KALRN: variants seen among roughly 807,000 people sequenced by gnomAD.
The protein encoded by KALRN is kalirin.
In KALRN, 70 loss-of-function variants were observed where a neutral mutation model predicts 353.7. The observed-to-expected ratio is 0.20, with a 90% CI of 0.16 to 0.24. The LOEUF (loss-of-function observed/expected upper bound fraction) is 0.24, where lower values mean the gene tolerates loss of function less well. Ranked by LOEUF, KALRN falls within the 10% of genes least tolerant of loss-of-function variation. The pLI, the probability that KALRN is intolerant of heterozygous loss-of-function variation, is 1.00. For missense variants in KALRN, 2,791 were observed against 3,756.7 expected, an observed-to-expected ratio of 0.74 and a Z score of 6.72; for synonymous variants, 1,391 against 1,434.8, an observed-to-expected ratio of 0.97 and a Z score of 0.69.
At chr3:124,128,353 T>C (rs2064915572) in intron 1 of KALRN, among the ~76,000 whole-genome samples, 1 of 152,226 alleles carries the variant, frequency 6.6e-6, no homozygotes, top group Non-Finnish European at 1.5e-5. Context: ...CTCTCTCCAC[T>C]TGCTACTTTT....
At chr3:124,384,319 A>G (rs1377531590) in intron 10 of KALRN, among the ~76,000 whole-genome samples, 1 of 152,112 alleles carries the variant, frequency 6.6e-6, no homozygotes, top group African/African-American at 2.4e-5. Context: ...GCCTTCTGTC[A>G]GCTCCCTAGA....
chr3:124,597,767 T>C (rs1391415487), intron 34 of KALRN, among the ~76,000 whole-genome samples: 1 of 149,244 alleles, frequency 6.7e-6, no homozygotes, highest in African/African-American at 2.4e-5. Context: ...GGAGCTATTG[T>C]TTTGAAATGA....
intron 3 of KALRN, among the ~76,000 whole-genome samples, chr3:124,238,355 C>A (rs140262837): frequency 2.6e-5 from 4 of 152,304 alleles, no homozygotes; most frequent in African/African-American, 4.8e-5. Flanking sequence ...AAAGAACCTG[C>A]CCACATGGAA....
intron 33 of KALRN, among the ~76,000 whole-genome samples, chr3:124,528,552 G>A (rs1348319458): frequency 6.6e-6 from 1 of 152,158 alleles, no homozygotes; most frequent in Admixed American, 6.5e-5. Flanking sequence ...GCCCTCAAGA[G>A]ACAAGCTTTT....
At chr3:124,485,621 T>C (rs992044419) in intron 28 of KALRN, among the ~76,000 whole-genome samples, 1 of 152,248 alleles carries the variant, frequency 6.6e-6, no homozygotes, top group Non-Finnish European at 1.5e-5. Flanking sequence ...GGCTCACACC[T>C]ATAATCCCAG....
chr3:124,603,297 C>T (rs1304139503), intron 34 of KALRN, among the ~76,000 whole-genome samples: 1 of 152,216 alleles, frequency 6.6e-6, no homozygotes, highest in Non-Finnish European at 1.5e-5. Flanking sequence ...TTCTAGTCTT[C>T]AAAGCCCTCC....
rs965026326 is a variant in KALRN, at chr3:124,329,734, C to T, written c.1285-127C>T. 3 of 1,031,454 alleles carry T rather than the reference C, an allele frequency of 2.9e-6. No homozygotes were observed. In the African/African-American group the frequency reaches 4.8e-5, roughly 17 times the overall value. The allele number at this position is 1,031,454 out of a possible 1,614,324, so 63.9% of individuals were successfully genotyped here. A position where few individuals can be genotyped will look rare whatever the true frequency, so the allele number is the denominator to read the frequency against. On this transcript the variant is annotated intron_variant, in intron 7 of 59. Coordinates refer to ENST00000682506, the MANE Select transcript of KALRN (RefSeq NM_001388419.1). Reference sequence around the variant, plus strand: ...AGAATTAAAAAAACTCTACCCTCTACAGTGGTCTCTGAAGGCTTTCAGAAG... The same window carrying T: ...AGAATTAAAAAAACTCTACCCTCTATAGTGGTCTCTGAAGGCTTTCAGAAG...
At chr3:124,399,419 T>A (rs1352982509) in intron 13 of KALRN, among the ~76,000 whole-genome samples, 5 of 152,230 alleles carry the variant, frequency 3.3e-5, no homozygotes. Flanking sequence ...ATTACAGGCA[T>A]GAGCCACTGT....
chr3:124,468,810 G>A (rs897044643), intron 25 of KALRN, among the ~76,000 whole-genome samples: 3 of 152,176 alleles, frequency 2.0e-5, no homozygotes, highest in African/African-American at 7.2e-5. Flanking sequence ...GTCCCCAAAC[G>A]CACACTTGAA....
At chr3:124,191,129 G>A (rs2074856564) in intron 1 of KALRN, among the ~76,000 whole-genome samples, 1 of 152,190 alleles carries the variant, frequency 6.6e-6, no homozygotes, top group Non-Finnish European at 1.5e-5. Context: ...AAGGCATGTG[G>A]GAAATAGTTT....
At chr3:124,137,664 C>A (rs1455193617) in intron 1 of KALRN, among the ~76,000 whole-genome samples, 1 of 152,106 alleles carries the variant, frequency 6.6e-6, no homozygotes, top group East Asian at 1.9e-4. Context: ...TCCAAGGAGT[C>A]CTTACACGCA....
Position 124,422,920 on chromosome 3 carries a change from C to T in KALRN, c.2651C>T (p.Thr884Ile), listed in dbSNP as rs893784782. 1 of 1,613,852 alleles carries T rather than the reference C, an allele frequency of 6.2e-7. No individual in the cohort carries two copies. Among genetic ancestry groups the T allele is most frequent in the Non-Finnish European group, 8.5e-7 (1 of 1,179,824 alleles). Reference protein sequence around the residue: ...QHELELNAEQTHKRLEQCLQL... With the variant: ...QHELELNAEQIHKRLEQCLQL... The stretch of plus-strand genomic sequence containing the variant: ...GAATTGGAGCTCAATGCAGAGCAGA[C>T]TCATAAGCGGCTAGAGCAGTGCCTC... The change falls in exon 15 of 60, where the codon ACT (threonine) becomes ATT (isoleucine). Residue 884 changes from threonine (T) to isoleucine (I), a missense_variant. Thr to Ile is a moderately conservative substitution (Grantham distance 89, BLOSUM62 -1). Transcript: ENST00000682506.
intron 1 of KALRN, among the ~76,000 whole-genome samples, chr3:124,135,990 T>G (rs187118597): frequency 1.8e-4 from 28 of 152,228 alleles, no homozygotes; most frequent in African/African-American, 6.0e-4. Context: ...CTGCTTGTCC[T>G]CATCTCCTTA....
intron 34 of KALRN, among the ~76,000 whole-genome samples, chr3:124,579,985 C>A (rs960979378): frequency 6.6e-6 from 1 of 152,144 alleles, no homozygotes; most frequent in Non-Finnish European, 1.5e-5. Context: ...AAGGCTGGTT[C>A]CTCAAAGACA....
intron 35 of KALRN, 75 bp downstream of exon 35, chr3:124,632,778 T>C (rs2080925592): frequency 1.4e-6 from 2 of 1,381,948 alleles, no homozygotes; most frequent in Non-Finnish European, 2.0e-6. Flanking sequence ...TTTTGTCAAC[T>C]AGGCCATCTC....
At chr3:124,482,583 C>T (rs1213591284) in intron 27 of KALRN, among the ~76,000 whole-genome samples, 1 of 152,106 alleles carries the variant, frequency 6.6e-6, no homozygotes, top group African/African-American at 2.4e-5. Context: ...GCTTCTTTCC[C>T]TAATCCTTCT....
At chr3:124,254,952 A>AT (rs1553876375) in intron 3 of KALRN, among the ~76,000 whole-genome samples, 2,157 of 109,248 alleles carry the variant, frequency 0.02, 55 homozygotes, top group African/African-American at 0.052. Context: ...ATATATATAT[A>AT]TTTTTTTTTT....
At chr3:124,498,493 T>C (rs549094482) in intron 33 of KALRN, among the ~76,000 whole-genome samples, 18 of 152,308 alleles carry the variant, frequency 1.2e-4, no homozygotes, top group Admixed American at 3.9e-4. Flanking sequence ...GCAAAATGGC[T>C]GGTCTCAGGA....
At chr3:124,431,480 G>T (rs987247871) in intron 16 of KALRN, among the ~76,000 whole-genome samples, 2 of 152,112 alleles carry the variant, frequency 1.3e-5, no homozygotes, top group Non-Finnish European at 2.9e-5. Context: ...CTAGGACATT[G>T]TCCTTCCCAG....
Sources: gnomAD v4.1 joint callset for allele counts (sites outside exome capture counted in the v4.1 genomes callset) on GRCh38, gnomAD v4.1.1 for gene constraint, MANE v1.5 for transcripts, NCBI Gene and HGNC (gene_info 2026-07-23, HGNC 2026-07-21) for gene names.